CDH13: variants seen among roughly 807,000 people sequenced by gnomAD.
CDH13 encodes the protein cadherin 13, also known as cadherin-13.
A neutral mutation model predicts 63.8 loss-of-function variants in CDH13; 24 were observed. That is an observed-to-expected ratio of 0.38 (90% CI 0.27 to 0.53). CDH13 has a LOEUF of 0.53. CDH13 is among the 20% of genes least tolerant of loss of function. The pLI is 0.85. For synonymous variants in CDH13, 503 were observed against 355.3 expected (o/e 1.42, Z -4.67); for missense variants, 1,049 against 903.1 (o/e 1.16, Z -2.07).
chr16:83,303,890 G>C (rs1367034542), intron 5 of CDH13, among the ~76,000 whole-genome samples: 2 of 152,158 alleles, frequency 1.3e-5, no homozygotes, highest in Non-Finnish European at 2.9e-5. Flanking sequence ...CATCTTGGGT[G>C]ACAGGTGCAT....
At chr16:82,665,277 G>A (rs1368924344) in intron 1 of CDH13, among the ~76,000 whole-genome samples, 1 of 152,206 alleles carries the variant, frequency 6.6e-6, no homozygotes, top group African/African-American at 2.4e-5. Flanking sequence ...AGAAGGCTGT[G>A]ATGTGTCTGA....
chr16:83,136,510 AAT>A (rs1440759222), intron 4 of CDH13, among the ~76,000 whole-genome samples: 1 of 151,576 alleles, frequency 6.6e-6, no homozygotes, highest in Non-Finnish European at 1.5e-5. Flanking sequence ...AAAAAAAAGA[AAT>A]AGACTTCACT....
At chr16:83,179,148 C>G (rs1359791625) in intron 4 of CDH13, among the ~76,000 whole-genome samples, 1 of 152,174 alleles carries the variant, frequency 6.6e-6, no homozygotes. Flanking sequence ...CCTTGGAAAA[C>G]TGCCTTAGTA....
At chr16:83,381,741 G>T (rs1431379241) in intron 6 of CDH13, among the ~76,000 whole-genome samples, 4 of 151,242 alleles carry the variant, frequency 2.6e-5, no homozygotes, top group African/African-American at 7.3e-5. Context: ...AAAGTACCAA[G>T]AGGATAAACA....
At chr16:83,141,838 A>T (rs2036541801) in intron 4 of CDH13, among the ~76,000 whole-genome samples, 1 of 152,192 alleles carries the variant, frequency 6.6e-6, no homozygotes, top group Admixed American at 6.5e-5. Context: ...CCTGCAAAGG[A>T]CATGAATTCA....
At chr16:83,312,538 T>A (rs2090023085) in intron 5 of CDH13, among the ~76,000 whole-genome samples, 2 of 152,274 alleles carry the variant, frequency 1.3e-5, no homozygotes, top group Admixed American at 1.3e-4. Flanking sequence ...AGCTTCTGAT[T>A]GGCTTAGGTT....
intron 5 of CDH13, among the ~76,000 whole-genome samples, chr16:83,241,538 G>T (rs563869714): frequency 6.6e-6 from 1 of 152,156 alleles, no homozygotes. Context: ...GCTTTGTGCA[G>T]TGACACCTCA....
chr16:83,600,119 A>T (rs551958549), intron 7 of CDH13, among the ~76,000 whole-genome samples: 1 of 152,174 alleles, frequency 6.6e-6, no homozygotes, highest in Non-Finnish European at 1.5e-5. Context: ...GAGCAAAATT[A>T]CCAGAATTCT....
chr16:82,751,208 A>C (rs1389145364), intron 1 of CDH13, among the ~76,000 whole-genome samples: 2 of 152,240 alleles, frequency 1.3e-5, no homozygotes, highest in Admixed American at 6.5e-5. Flanking sequence ...GGGCAGATTC[A>C]TGGGCTTGCA....
At chr16:83,318,324 T>C (rs1240763213) in intron 5 of CDH13, among the ~76,000 whole-genome samples, 1 of 152,196 alleles carries the variant, frequency 6.6e-6, no homozygotes, top group Admixed American at 6.5e-5. Context: ...CTCCATTTTC[T>C]TGTGTCTTTT....
chr16:83,262,177 A>G (rs1907073195), intron 5 of CDH13, among the ~76,000 whole-genome samples: 1 of 152,206 alleles, frequency 6.6e-6, no homozygotes, highest in Non-Finnish European at 1.5e-5. Flanking sequence ...TAAGAGGGTA[A>G]CAGCAGGCAC....
chr16:83,619,395 AGAG>A (rs1193979010), intron 8 of CDH13, among the ~76,000 whole-genome samples: 1 of 152,234 alleles, frequency 6.6e-6, no homozygotes, highest in Non-Finnish European at 1.5e-5. Context: ...AGGGCTTCTC[AGAG>A]GAGGTGACTG....
At chr16:83,063,935 G>T (rs1319879084) in intron 3 of CDH13, among the ~76,000 whole-genome samples, 1 of 152,106 alleles carries the variant, frequency 6.6e-6, no homozygotes, top group Non-Finnish European at 1.5e-5. Context: ...AGAGGCAAGT[G>T]GAAGGGACAG....
intron 6 of CDH13, among the ~76,000 whole-genome samples, chr16:83,468,097 T>C (rs1414252392): frequency 1.3e-5 from 2 of 152,216 alleles, no homozygotes; most frequent in African/African-American, 4.8e-5. Context: ...GAACTTGAAA[T>C]CACTGGCATG....
At chr16:82,889,010 T>C (rs1357898714) in intron 2 of CDH13, among the ~76,000 whole-genome samples, 1 of 152,268 alleles carries the variant, frequency 6.6e-6, no homozygotes, top group South Asian at 2.1e-4. Flanking sequence ...CTTATTTACT[T>C]CCCTGGGCTA....
chr16:83,293,377 A>T (rs1597682172), intron 5 of CDH13, among the ~76,000 whole-genome samples: 1 of 152,314 alleles, frequency 6.6e-6, no homozygotes, highest in South Asian at 2.1e-4. Context: ...TACAACACAT[A>T]GAGAAAAAGG....
At chr16:82,629,920 C>G (rs527446551) in intron 1 of CDH13, among the ~76,000 whole-genome samples, 2 of 152,316 alleles carry the variant, frequency 1.3e-5, no homozygotes, top group Non-Finnish European at 2.9e-5. Flanking sequence ...TTGGGTAGCA[C>G]TTACAACTAA....
At chr16:83,733,390 T>G (rs1422531546) in intron 10 of CDH13, among the ~76,000 whole-genome samples, 2 of 152,176 alleles carry the variant, frequency 1.3e-5, no homozygotes, top group African/African-American at 4.8e-5. Flanking sequence ...TAACCTGGCC[T>G]CCATCACGAA....
chr16:82,790,256 G>T (rs1378134216), intron 1 of CDH13, among the ~76,000 whole-genome samples: 1 of 152,136 alleles, frequency 6.6e-6, no homozygotes, highest in African/African-American at 2.4e-5. Context: ...TCAGCAGGGT[G>T]AAACCCCATC....
Sources: allele counts gnomAD v4.1 joint callset (sites outside exome capture counted in the v4.1 genomes callset), GRCh38; gene constraint gnomAD v4.1.1; transcripts MANE v1.5; gene names NCBI Gene and HGNC (gene_info 2026-07-23, HGNC 2026-07-21).